Variants in PPP1R14C observed in about 807,000 individuals in gnomAD.
PPP1R14C encodes protein phosphatase 1 regulatory subunit 14C.
A neutral mutation model predicts 20.4 loss-of-function variants in PPP1R14C; 16 were observed. The observed-to-expected ratio is 0.78, with a 90% CI of 0.53 to 1.19. The LOEUF (loss-of-function observed/expected upper bound fraction) is 1.19. Among genes scored for constraint, PPP1R14C ranks in the 50% most tolerant of loss-of-function variants. The pLI, the probability that PPP1R14C is intolerant of heterozygous loss-of-function variation, is 0.00. For missense variants in PPP1R14C, 211 were observed against 220.1 expected (o/e 0.96, Z 0.26); for synonymous variants, 91 against 91.0 (o/e 1.00, Z 0.00).
In PPP1R14C at chr6:150,210,900, G is replaced by A. The variant is rs191524710; in HGVS notation, c.307-3844G>A. 1.5e-3 allele frequency among the ~76,000 whole-genome samples: 221 copies of A among 152,166 alleles called. 4 individuals carry two copies. Among genetic ancestry groups the A allele is most frequent in the Non-Finnish European group, 3.5e-4 (24 of 68,018 alleles). ...TTCTGTCACCTGTCTGGCCCCCATC[G>A]ACGTGCATATTTGCAGCCCAGAGCT... On this transcript the variant is annotated intron_variant, in intron 1 of 3. Transcript: ENST00000361131.
intron 3 of PPP1R14C, among the ~76,000 whole-genome samples, chr6:150,228,845 A>C (rs1474822883): frequency 6.6e-6 from 1 of 152,190 alleles, no homozygotes; most frequent in Non-Finnish European, 1.5e-5. Context: ...AGTGATCAGA[A>C]GAAATTAGAT....
intron 1 of PPP1R14C, among the ~76,000 whole-genome samples, chr6:150,172,683 T>C (rs1334930685): frequency 6.6e-6 from 1 of 152,196 alleles, no homozygotes; most frequent in East Asian, 1.9e-4. Context: ...GGAAGTGCCA[T>C]CTGACACTTC....
chr6:150,163,346 G>A (rs887533154), intron 1 of PPP1R14C, among the ~76,000 whole-genome samples: 3 of 152,160 alleles, frequency 2.0e-5, no homozygotes, highest in East Asian at 1.9e-4. Flanking sequence ...AGCGGAGATC[G>A]CACCACTGCA....
chr6:150,204,285 T>C (rs1276961948), intron 1 of PPP1R14C, among the ~76,000 whole-genome samples: 2 of 152,244 alleles, frequency 1.3e-5, no homozygotes, highest in Non-Finnish European at 2.9e-5. Flanking sequence ...ACGGGGGCAT[T>C]GTTAACAACC....
intron 1 of PPP1R14C, among the ~76,000 whole-genome samples, chr6:150,150,370 A>T (rs1777231472): frequency 6.6e-6 from 1 of 152,006 alleles, no homozygotes; most frequent in Non-Finnish European, 1.5e-5. Flanking sequence ...CCTGAGTCCC[A>T]CCCACTGTCT....
chr6:150,160,580 C>T (rs1777356141), intron 1 of PPP1R14C, among the ~76,000 whole-genome samples: 1 of 151,922 alleles, frequency 6.6e-6, no homozygotes, highest in African/African-American at 2.4e-5. Flanking sequence ...GTAGCTCATT[C>T]TTAAGTAATG....
chr6:150,195,248 G>T (rs1438850022), intron 1 of PPP1R14C: 3 of 759,818 alleles, frequency 3.9e-6, no homozygotes, highest in African/African-American at 2.0e-5. Context: ...TGTGTGTGTG[G>T]ATACCATGTT....
chr6:150,168,124 CT>C (rs1777452785), intron 1 of PPP1R14C, among the ~76,000 whole-genome samples: 1 of 129,034 alleles, frequency 7.7e-6, no homozygotes, highest in African/African-American at 3.2e-5. Flanking sequence ...TCCCCCACTC[CT>C]TCTCCCTAAC....
intron 1 of PPP1R14C, among the ~76,000 whole-genome samples, chr6:150,199,050 T>C (rs1248377827): frequency 6.6e-6 from 1 of 152,094 alleles, no homozygotes; most frequent in Non-Finnish European, 1.5e-5. Flanking sequence ...ATCCTTTACT[T>C]AAACTCAACA....
intron 1 of PPP1R14C, among the ~76,000 whole-genome samples, chr6:150,151,358 T>C (rs1015018403): frequency 6.6e-6 from 1 of 152,182 alleles, no homozygotes; most frequent in Non-Finnish European, 1.5e-5. Flanking sequence ...TTACGTGGCA[T>C]GCTTATCTCT....
intron 3 of PPP1R14C, among the ~76,000 whole-genome samples, chr6:150,217,743 C>A (rs1204477248): frequency 6.6e-6 from 1 of 152,136 alleles, no homozygotes; most frequent in Non-Finnish European, 1.5e-5. Flanking sequence ...CTTTCTTCCT[C>A]TGATAAATTG....
chr6:150,191,503 G>A (rs1262630230), intron 1 of PPP1R14C, among the ~76,000 whole-genome samples: 5 of 152,220 alleles, frequency 3.3e-5, no homozygotes, highest in Non-Finnish European at 1.5e-5. Flanking sequence ...ATGTGTGTAT[G>A]TCTCTCAGAG....
At chr6:150,154,885 C>T (rs1213770699) in intron 1 of PPP1R14C, among the ~76,000 whole-genome samples, 1 of 152,160 alleles carries the variant, frequency 6.6e-6, no homozygotes, top group Non-Finnish European at 1.5e-5. Context: ...CACTCACAGC[C>T]ACCATAGCTG....
chr6:150,188,293 T>C (rs1190659234), intron 1 of PPP1R14C, among the ~76,000 whole-genome samples: 1 of 152,216 alleles, frequency 6.6e-6, no homozygotes, highest in Non-Finnish European at 1.5e-5. Flanking sequence ...AATCTTCTTT[T>C]GGTAATAGCT....
intron 1 of PPP1R14C, among the ~76,000 whole-genome samples, chr6:150,193,331 A>T (rs560480281): frequency 1.3e-4 from 20 of 151,972 alleles, no homozygotes; most frequent in Non-Finnish European, 2.9e-5. Flanking sequence ...GCTACACTAG[A>T]TGGAAAGTTG....
intron 1 of PPP1R14C, among the ~76,000 whole-genome samples, chr6:150,203,989 A>T: frequency 6.6e-6 from 1 of 152,130 alleles, no homozygotes; most frequent in Non-Finnish European, 1.5e-5. Flanking sequence ...GTAGCCCAGG[A>T]CCAGTGCCAA....
chr6:150,185,180 CTTCT>C lies in PPP1R14C; in HGVS notation c.307-29557_307-29554del, dbSNP rs1026047544. 6.6e-6 allele frequency among the ~76,000 whole-genome samples: 1 copy of C among 152,200 alleles called. No homozygotes were observed. Among genetic ancestry groups the C allele is most frequent in the Non-Finnish European group, 1.5e-5 (1 of 68,048 alleles). On this transcript the variant is annotated intron_variant, in intron 1 of 3. Coordinates refer to ENST00000361131, the MANE Select transcript of PPP1R14C (RefSeq NM_030949.3). The surrounding 1 kb of genome is among the most constrained non-coding windows in gnomAD (Gnocchi z 4.1). Reference sequence around the variant, plus strand: ...TGCAACGGGTCCATTATTTACTCAACTTCTTTCTTTATCGATTTCCTCATCTATA... The same window carrying C: ...TGCAACGGGTCCATTATTTACTCAACTTCTTTATCGATTTCCTCATCTATA...
At chr6:150,223,882 C>A (rs1163550240) in intron 3 of PPP1R14C, among the ~76,000 whole-genome samples, 1 of 152,136 alleles carries the variant, frequency 6.6e-6, no homozygotes, top group African/African-American at 2.4e-5. Flanking sequence ...TGTTTTCTTT[C>A]ACGGATCATG....
chr6:150,174,426 C>T (rs898025803), intron 1 of PPP1R14C, among the ~76,000 whole-genome samples: 2 of 150,652 alleles, frequency 1.3e-5, no homozygotes, highest in African/African-American at 2.4e-5. Flanking sequence ...CCGTGTTAGC[C>T]AGGATGGTCT....
Sources: gnomAD v4.1 joint callset for allele counts (sites outside exome capture counted in the v4.1 genomes callset) on GRCh38, gnomAD v4.1.1 for gene constraint, Gnocchi (gnomAD v3.1) non-coding constraint, MANE v1.5 for transcripts, NCBI Gene and HGNC (gene_info 2026-07-23, HGNC 2026-07-21) for gene names.